The following KIF13B variants were observed in gnomAD, a reference collection of about 807,000 sequenced individuals.
KIF13B encodes kinesin family member 13B.
In KIF13B, 127 loss-of-function variants were observed where a neutral mutation model predicts 222.0. The ratio of observed to expected loss-of-function variants is 0.57; its 90% CI spans 0.50 to 0.66. The LOEUF (loss-of-function observed/expected upper bound fraction) is 0.66. Ranked by LOEUF, KIF13B falls within the 30% of genes least tolerant of loss-of-function variation. KIF13B has a pLI of 0.00. For missense variants in KIF13B, 2,173 were observed against 2,379.0 expected, an observed-to-expected ratio of 0.91 and a Z score of 1.80; for synonymous variants, 976 against 919.0, an observed-to-expected ratio of 1.06 and a Z score of -1.12.
intron 35 of KIF13B, among the ~76,000 whole-genome samples, chr8:29,104,078 T>C (rs935123738): frequency 1.3e-5 from 2 of 152,132 alleles, no homozygotes; most frequent in African/African-American, 2.4e-5. Flanking sequence ...TGAGACTCCC[T>C]TGGCCCTGTC....
intron 2 of KIF13B, among the ~76,000 whole-genome samples, chr8:29,242,298 A>G (rs1241308787): frequency 1.3e-5 from 2 of 152,158 alleles, no homozygotes; most frequent in Non-Finnish European, 2.9e-5. Context: ...AAAAGAAACT[A>G]CTTTGCCTAC....
chr8:29,103,556 G>A (rs1808901578), intron 35 of KIF13B, among the ~76,000 whole-genome samples: 1 of 152,152 alleles, frequency 6.6e-6, no homozygotes, highest in Non-Finnish European at 1.5e-5. Flanking sequence ...CTTATCCCAA[G>A]AGTGATTTAT....
intron 2 of KIF13B, among the ~76,000 whole-genome samples, chr8:29,231,259 C>T (rs1405945713): frequency 2.0e-5 from 3 of 152,150 alleles, no homozygotes; most frequent in Non-Finnish European, 4.4e-5. Flanking sequence ...TGAAGGCTAC[C>T]ATACGGGTTC....
rs1239659266 is a variant in KIF13B, at chr8:29,140,463, C to A, written c.2484+5G>T. 7 of 1,612,346 alleles carry A rather than the reference C, an allele frequency of 4.3e-6. No homozygotes were observed. Among genetic ancestry groups the A allele is most frequent in the Non-Finnish European group, 4.2e-6 (5 of 1,179,090 alleles). On this transcript the variant is annotated splice_donor_5th_base_variant and intron_variant, in intron 20 of 39. Coordinates refer to ENST00000524189, the MANE Select transcript of KIF13B (RefSeq NM_015254.4). ...CAGGAAACAAGGCATGAAGAGAAAACCAACCTCTCCTTTCTGGTTGATGAT... is the reference window on the plus strand; with the variant it reads ...CAGGAAACAAGGCATGAAGAGAAAAACAACCTCTCCTTTCTGGTTGATGAT...
rs547822935 is a variant in KIF13B at position 29,169,380 on chromosome 8, T to C, written c.946-1795A>G. Among the ~76,000 whole-genome samples, 3 of 152,100 alleles carry C rather than the reference T, an allele frequency of 2.0e-5. No individual in the cohort carries two copies. In the South Asian group the frequency reaches 6.2e-4, roughly 32 times the overall value. ...CCTTCAAGTCCAACATGATTTCCAC[T>C]CCCCCACAGCTGCCCACAATACACA... On this transcript the variant is annotated intron_variant, in intron 10 of 39. Transcript: ENST00000524189.
chr8:29,212,119 T>C (rs1387154047), intron 2 of KIF13B, among the ~76,000 whole-genome samples: 2 of 152,240 alleles, frequency 1.3e-5, no homozygotes, highest in Non-Finnish European at 1.5e-5. Context: ...GTGAAGCTAT[T>C]ATAAATACTG....
chr8:29,243,247 T>A (rs1815860794), intron 2 of KIF13B, among the ~76,000 whole-genome samples: 1 of 150,968 alleles, frequency 6.6e-6, no homozygotes, highest in Non-Finnish European at 1.5e-5. Flanking sequence ...CTAGGGAGGC[T>A]GAGTCAGGAG....
intron 37 of KIF13B, among the ~76,000 whole-genome samples, chr8:29,085,706 T>C (rs866798018): frequency 0.021 from 49 of 2,368 alleles, no homozygotes; most frequent in African/African-American, 0.065. Flanking sequence ...AATACTCTTC[T>C]TTTTTTTTTT....
chr8:29,069,185 T>A lies in KIF13B; in HGVS notation c.*1319A>T, dbSNP rs1461298135. 1 of 152,228 alleles carries A rather than the reference T, an allele frequency of 6.6e-6. No homozygotes were observed. The highest frequency in any genetic ancestry group is 2.4e-5 in the African/African-American group (1 of 41,444). 9.4% of individuals were successfully genotyped at this position (152,228 alleles called of 1,614,324 possible). On this transcript the variant is annotated 3_prime_UTR_variant, in exon 40 of 40. Coordinates refer to ENST00000524189, the MANE Select transcript of KIF13B (RefSeq NM_015254.4). Reference sequence around the variant, plus strand: ...CCCTAGATTGGTGGCCTTCCACACATAGACGCTAACCCCCATCCCACAAAC... The same window carrying A: ...CCCTAGATTGGTGGCCTTCCACACAAAGACGCTAACCCCCATCCCACAAAC...
intron 7 of KIF13B, among the ~76,000 whole-genome samples, chr8:29,181,136 T>C (rs1812695206): frequency 6.6e-6 from 1 of 152,186 alleles, no homozygotes; most frequent in African/African-American, 2.4e-5. Flanking sequence ...GGAATTCTCC[T>C]TAAGGGTGTA....
intron 19 of KIF13B, 40 bp from the exon 20 acceptor site, chr8:29,140,657 T>C (rs1433679807): frequency 1.9e-6 from 3 of 1,582,474 alleles, no homozygotes; most frequent in African/African-American, 1.4e-5. Flanking sequence ...AGAAAAACCA[T>C]TTACAATAAA....
intron 26 of KIF13B, among the ~76,000 whole-genome samples, chr8:29,125,303 T>A (rs750959948): frequency 1.6e-4 from 24 of 152,266 alleles, no homozygotes; most frequent in Non-Finnish European, 3.4e-4. Flanking sequence ...CTCATTTCCT[T>A]TTCTAATAAG....
intron 2 of KIF13B, among the ~76,000 whole-genome samples, chr8:29,239,332 CT>C: frequency 6.6e-6 from 1 of 152,316 alleles, no homozygotes; most frequent in African/African-American, 2.4e-5. Flanking sequence ...TGGAAGTATA[CT>C]ACGACAATTT....
chr8:29,090,616 C>A (rs992119175), intron 37 of KIF13B, among the ~76,000 whole-genome samples: 1 of 152,210 alleles, frequency 6.6e-6, no homozygotes, highest in Non-Finnish European at 1.5e-5. Flanking sequence ...TTCCAAGGAG[C>A]AGAGTTCTCA....
intron 36 of KIF13B, among the ~76,000 whole-genome samples, chr8:29,094,596 G>A (rs1205526707): frequency 6.6e-6 from 1 of 152,182 alleles, no homozygotes; most frequent in East Asian, 1.9e-4. Flanking sequence ...TCATGTCAAT[G>A]TCCTATATTT....
chr8:29,155,679 T>C (rs1811488489), intron 14 of KIF13B, 47 bp downstream of exon 14: 6 of 1,543,634 alleles, frequency 3.9e-6, no homozygotes, highest in Non-Finnish European at 5.3e-6. Context: ...AGTACTTTCT[T>C]CCTCTGAAAA....
rs796727998 is a variant in KIF13B, at chr8:29,126,086, C to CA, written c.3252+395dup. ...TGGGCAACAGGGTGAGACTCTGTCA[C>CA]AAAAAAAAAAACAAAAACAAACAAA... On this transcript the variant is annotated intron_variant, in intron 26 of 39. Transcript: ENST00000524189. Among the ~76,000 whole-genome samples, 1,010 of 132,204 alleles carry CA rather than the reference C, an allele frequency of 7.6e-3. 12 individuals are homozygous for CA. The highest frequency in any genetic ancestry group is 0.014 in the African/African-American group (526 of 36,604). The allele number at this position is 132,204 out of a possible 152,430, so 86.7% of individuals were successfully genotyped here. A position where few individuals can be genotyped will look rare whatever the true frequency, so the allele number is the denominator to read the frequency against.
chr8:29,252,349 C>T (rs749503916), intron 1 of KIF13B, among the ~76,000 whole-genome samples: 3 of 152,240 alleles, frequency 2.0e-5, no homozygotes, highest in Non-Finnish European at 2.9e-5. Context: ...ACTCCCTTTA[C>T]ATAACTCATG....
intron 2 of KIF13B, among the ~76,000 whole-genome samples, chr8:29,218,520 C>T (rs546969546): frequency 3.9e-5 from 6 of 152,280 alleles, no homozygotes; most frequent in Admixed American, 1.3e-4. Flanking sequence ...CACCAAATCC[C>T]AGGCAACAGC....
Sources: allele counts gnomAD v4.1 joint callset (sites outside exome capture counted in the v4.1 genomes callset), GRCh38; gene constraint gnomAD v4.1.1; transcripts MANE v1.5; gene names NCBI Gene and HGNC (gene_info 2026-07-23, HGNC 2026-07-21).